Variants in CPPED1 observed in about 807,000 individuals in gnomAD.
CPPED1 encodes calcineurin like phosphoesterase domain containing 1.
Under a neutral mutation model 28.0 loss-of-function variants are expected in CPPED1, and 28 were observed. The ratio of observed to expected loss-of-function variants is 1.00; its 90% confidence interval spans 0.74 to 1.37. The LOEUF is 1.37. Among genes scored for constraint, CPPED1 ranks in the 40% most tolerant of loss-of-function variants. CPPED1 has a pLI of 0.00. For missense variants in CPPED1, 504 were observed against 416.5 expected (o/e 1.21, Z -1.83); for synonymous variants, 198 against 180.2 (o/e 1.10, Z -0.79).
At chr16:12,721,586 C>T (rs767057240) in intron 2 of CPPED1, among the ~76,000 whole-genome samples, 82 of 152,080 alleles carry the variant, frequency 5.4e-4, no homozygotes, top group Admixed American at 1.5e-3. Context: ...AACCTCGTCC[C>T]TACTAAAAAT....
At chr16:12,740,287 A>G (rs1467535887) in intron 2 of CPPED1, among the ~76,000 whole-genome samples, 1 of 151,916 alleles carries the variant, frequency 6.6e-6, no homozygotes, top group Non-Finnish European at 1.5e-5. Flanking sequence ...CTCTACAAAA[A>G]TACAAAAATT....
At chr16:12,774,722 C>G (rs2080487821) in intron 2 of CPPED1, among the ~76,000 whole-genome samples, 1 of 152,120 alleles carries the variant, frequency 6.6e-6, no homozygotes, top group Non-Finnish European at 1.5e-5. Flanking sequence ...GGGCCATGCC[C>G]TCATGAATGG....
intron 1 of CPPED1, among the ~76,000 whole-genome samples, chr16:12,783,095 T>C (rs2080542022): frequency 6.6e-6 from 1 of 152,176 alleles, no homozygotes; most frequent in Admixed American, 6.5e-5. Context: ...GATGAGTCCC[T>C]GCTGTCCTCG....
chr16:12,698,853 T>G (rs1256233249), intron 3 of CPPED1, among the ~76,000 whole-genome samples: 1 of 152,218 alleles, frequency 6.6e-6, no homozygotes. Flanking sequence ...CATTAACTTT[T>G]GCGGGGAAGA....
At chr16:12,783,724 GA>G (rs200823867) in intron 1 of CPPED1, among the ~76,000 whole-genome samples, 1 of 150,098 alleles carries the variant, frequency 6.7e-6, no homozygotes, top group Non-Finnish European at 1.5e-5. Context: ...CAGAGTTAAA[GA>G]AAAAAAAAGT....
At chr16:12,778,793 C>CCA (rs2080513006) in intron 2 of CPPED1, among the ~76,000 whole-genome samples, 1 of 152,154 alleles carries the variant, frequency 6.6e-6, no homozygotes, top group African/African-American at 2.4e-5. Flanking sequence ...TAATCTCAAA[C>CCA]CACAATATTC....
At chr16:12,720,785 T>C (rs80242171) in intron 2 of CPPED1, among the ~76,000 whole-genome samples, 7,031 of 152,294 alleles carry the variant, frequency 0.046, 545 homozygotes, top group African/African-American at 0.16. Context: ...GCCCAAACTG[T>C]TTTATTTTAT....
intron 2 of CPPED1, among the ~76,000 whole-genome samples, chr16:12,727,806 G>A (rs920650808): frequency 2.6e-5 from 4 of 152,120 alleles, no homozygotes; most frequent in African/African-American, 9.7e-5. Context: ...ATCCCCCCTT[G>A]CAGCAGCCAG....
At chr16:12,798,963 C>A (rs2141248168) in intron 1 of CPPED1, among the ~76,000 whole-genome samples, 1 of 152,232 alleles carries the variant, frequency 6.6e-6, no homozygotes, top group East Asian at 1.9e-4. Flanking sequence ...ATTATGTTAA[C>A]AGGGAACGGA....
intron 1 of CPPED1, among the ~76,000 whole-genome samples, chr16:12,790,918 C>CAAAA (rs538022826): frequency 6.3e-5 from 4 of 63,310 alleles, no homozygotes; most frequent in African/African-American, 1.9e-4. Flanking sequence ...GACTCTATCT[C>CAAAA]AAAAAAAAAA....
At chr16:12,737,807 C>T (rs573959128) in intron 2 of CPPED1, among the ~76,000 whole-genome samples, 12 of 152,124 alleles carry the variant, frequency 7.9e-5, no homozygotes, top group Admixed American at 2.6e-4. Context: ...TGGGAGGGAG[C>T]GGCTGGAGGG....
At chr16:12,713,639 G>C (rs1377204619) in intron 2 of CPPED1, among the ~76,000 whole-genome samples, 4 of 152,010 alleles carry the variant, frequency 2.6e-5, no homozygotes, top group South Asian at 4.2e-4. Context: ...AGAATTACAG[G>C]TGTGAGCCAC....
intron 1 of CPPED1, among the ~76,000 whole-genome samples, chr16:12,801,577 C>A (rs2080659878): frequency 6.6e-6 from 1 of 151,808 alleles, no homozygotes; most frequent in African/African-American, 2.4e-5. Context: ...ATGATTATAC[C>A]CTATAACCCA....
intron 2 of CPPED1, chr16:12,753,218 T>C (rs1326451004): frequency 6.6e-6 from 1 of 152,210 alleles, no homozygotes; most frequent in Non-Finnish European, 1.5e-5. Context: ...GTTGAAATCC[T>C]AGCCCCCAGT....
rs368828707 is a variant in CPPED1 at position 12,739,157 on chromosome 16, T to C, written c.290-34108A>G. Reference sequence around the variant, plus strand: ...AGTAGCGCCTCACTGGACAGAATGGTCATGAGAATAAGAAAGTGTGCATGT... The same window carrying C: ...AGTAGCGCCTCACTGGACAGAATGGCCATGAGAATAAGAAAGTGTGCATGT... On this transcript the variant is annotated intron_variant, in intron 2 of 3. Transcript: ENST00000381774. 1.1e-4 allele frequency among the ~76,000 whole-genome samples: 17 copies of C among 152,274 alleles called. No individual in the cohort carries two copies. In the East Asian group the frequency reaches 1.9e-3, roughly 17 times the overall value.
At chr16:12,703,022 A>G (rs1177281077) in intron 3 of CPPED1, among the ~76,000 whole-genome samples, 2 of 151,690 alleles carry the variant, frequency 1.3e-5, no homozygotes, top group African/African-American at 4.8e-5. Flanking sequence ...CAAAAAAAAA[A>G]AAAAAAGAAA....
At chr16:12,707,095 T>C (rs986010691) in intron 2 of CPPED1, among the ~76,000 whole-genome samples, 4 of 152,220 alleles carry the variant, frequency 2.6e-5, no homozygotes, top group Non-Finnish European at 4.4e-5. Flanking sequence ...GACTCCAGTG[T>C]CTGGTTCTTT....
chr16:12,673,559 T>G (rs1014386117), intron 3 of CPPED1, among the ~76,000 whole-genome samples: 1 of 152,098 alleles, frequency 6.6e-6, no homozygotes, highest in African/African-American at 2.4e-5. Context: ...CATTTAATGG[T>G]GATTGTTCAA....
intron 1 of CPPED1, among the ~76,000 whole-genome samples, chr16:12,788,436 C>T (rs769962885): frequency 6.6e-6 from 1 of 152,170 alleles, no homozygotes; most frequent in Non-Finnish European, 1.5e-5. Flanking sequence ...GTAGCTCATC[C>T]TGGTGAGATC....
Sources: allele counts gnomAD v4.1 joint callset (sites outside exome capture counted in the v4.1 genomes callset), GRCh38; gene constraint gnomAD v4.1.1; transcripts MANE v1.5; gene names NCBI Gene and HGNC (gene_info 2026-07-23, HGNC 2026-07-21).